The following DHDDS variants were observed in gnomAD, a reference collection of about 807,000 sequenced individuals.
The protein encoded by DHDDS is dehydrodolichyl diphosphate synthase subunit, also known as dehydrodolichyl diphosphate synthase complex subunit DHDDS.
In DHDDS, 16 loss-of-function variants were observed where a neutral mutation model predicts 46.2. That is an observed-to-expected ratio of 0.35 (90% CI 0.23 to 0.53). The LOEUF is 0.53. DHDDS is among the 20% of genes least tolerant of loss of function. DHDDS has a pLI of 0.94. For synonymous variants in DHDDS, 151 were observed against 163.1 expected, an observed-to-expected ratio of 0.93 and a Z score of 0.56; for missense variants, 340 against 423.7, an observed-to-expected ratio of 0.80 and a Z score of 1.73.
chr1:26,446,397 T>G lies in DHDDS; in HGVS notation c.405T>G (p.Ile135Met). 2 of 1,613,990 alleles carry G rather than the reference T, an allele frequency of 1.2e-6. No homozygotes were observed. Among genetic ancestry groups the G allele is most frequent in the East Asian group, 2.2e-5 (1 of 44,886 alleles). The change falls in exon 5 of 9, where the codon ATT (isoleucine) becomes ATG (methionine). Residue 135 changes from isoleucine (I) to methionine (M), a missense_variant. Ile to Met is a conservative substitution (Grantham distance 10). Coordinates refer to ENST00000236342, the MANE Select transcript of DHDDS (RefSeq NM_205861.3). ...HLLPLDLQEL[I>M]AQAVQATKNY... The stretch of plus-strand genomic sequence containing the variant: ...TGCCCTTGGATCTCCAGGAGCTGAT[T>G]GCACAAGCTGTACAGGCCACGAAGA...
intron 3 of DHDDS, among the ~76,000 whole-genome samples, chr1:26,441,104 T>C (rs2075214847): frequency 1.3e-5 from 2 of 151,980 alleles, no homozygotes; most frequent in South Asian, 2.1e-4. Flanking sequence ...TTTGCATTTT[T>C]AGTAGAGACG....
rs986398912 is a variant in DHDDS, at chr1:26,451,650, A to G, written c.542+3990A>G. On this transcript the variant is annotated intron_variant, in intron 6 of 8. Coordinates refer to ENST00000236342, the MANE Select transcript of DHDDS (RefSeq NM_205861.3). ...TTTTTTCTTTTTTTTTTTTTTTGAGACAGAGTCTCGCTCTGTCGCCCAGGC... is the reference window on the plus strand; with the variant it reads ...TTTTTTCTTTTTTTTTTTTTTTGAGGCAGAGTCTCGCTCTGTCGCCCAGGC... Among the ~76,000 whole-genome samples, 4 of 138,182 alleles carry G rather than the reference A, an allele frequency of 2.9e-5. No homozygotes were observed. In the Admixed American group the frequency reaches 3.0e-4, roughly 10 times the overall value. 90.7% of individuals were successfully genotyped at this position (138,182 alleles called of 152,430 possible).
chr1:26,452,549 A>G (rs1309268739), intron 6 of DHDDS, among the ~76,000 whole-genome samples: 2 of 152,146 alleles, frequency 1.3e-5, no homozygotes, highest in Non-Finnish European at 2.9e-5. Context: ...ACACTTACTG[A>G]GCATTTACTC....
rs778754350 is a variant in DHDDS at position 26,457,832 on chromosome 1, A to C, written c.584A>C (p.Asn195Thr). 6 of 1,613,734 alleles carry C rather than the reference A, an allele frequency of 3.7e-6. No individual in the cohort carries two copies. The highest frequency in any genetic ancestry group is 3.3e-5 in the Admixed American group (2 of 59,960). ...CTGCTTGATAAGTGCCTCTATACCA[A>C]CCGCTCTCCTCATCCTGACATCTTG... Reference protein sequence around the residue: ...ESLLDKCLYTNRSPHPDILIR... With the variant: ...ESLLDKCLYTTRSPHPDILIR... The change falls in exon 7 of 9, where the codon AAC (asparagine) becomes ACC (threonine). Residue 195 changes from asparagine (N) to threonine (T), a missense_variant. By Grantham distance (65) the Asn-to-Thr change is moderately conservative (BLOSUM62 0). Coordinates refer to ENST00000236342, the MANE Select transcript of DHDDS (RefSeq NM_205861.3).
chr1:26,469,246 T>C lies in DHDDS; in HGVS notation c.*115T>C. On this transcript the variant is annotated 3_prime_UTR_variant, in exon 9 of 9. Transcript: ENST00000236342. The stretch of plus-strand genomic sequence containing the variant: ...TGATAATGAATGGTGTTCCCTTTGC[T>C]TGGCTGGGGAGCCCCCCAGGCCAGG... 6.3e-7 allele frequency: 1 copy of C among 1,583,362 alleles called. No individual in the cohort carries two copies. Among genetic ancestry groups the C allele is most frequent in the Non-Finnish European group, 8.5e-7 (1 of 1,170,132 alleles).
chr1:26,462,214 C>T (rs2075430837), intron 8 of DHDDS, among the ~76,000 whole-genome samples: 1 of 150,986 alleles, frequency 6.6e-6, no homozygotes, highest in South Asian at 2.1e-4. Context: ...AGAGATAAGT[C>T]CTCACTATGT....
At position 26,464,824 on chromosome 1, in the gene DHDDS, C is replaced by T. The variant is rs2075465315; in HGVS notation, c.766-4071C>T. On this transcript the variant is annotated intron_variant, in intron 8 of 8. Transcript: ENST00000236342. ...TCTCTAGGCCCTGCCCAATGTGTCC[C>T]TATTCTCTGCAGGAAGCCAGGGCAA... Among the ~76,000 whole-genome samples the T allele has an allele frequency of 3.3e-5, 5 of 152,194 alleles. No individual in the cohort carries two copies. The South Asian group carries it at 8.3e-4, about 25-fold the overall frequency.
intron 2 of DHDDS, 108 bp from the exon 3 acceptor site, chr1:26,438,060 G>A (rs763054892): frequency 6.1e-5 from 69 of 1,136,954 alleles, no homozygotes; most frequent in East Asian, 9.5e-5. Flanking sequence ...AATTCCCTTC[G>A]TCAGGGTTTT....
At chr1:26,461,299 ACC>A (rs905323452) in intron 8 of DHDDS, among the ~76,000 whole-genome samples, 6 of 152,076 alleles carry the variant, frequency 3.9e-5, no homozygotes, top group African/African-American at 1.4e-4. Context: ...AAAGCCACAG[ACC>A]ATCTCCCTAG....
chr1:26,469,815 TCTC>T lies in DHDDS; in HGVS notation c.*691_*693del, dbSNP rs1057515505. The T allele has an allele frequency of 6.4e-6, 1 of 156,092 alleles. No individual in the cohort carries two copies. Among genetic ancestry groups the T allele is most frequent in the Non-Finnish European group, 1.4e-5 (1 of 70,198 alleles). The allele number at this position is 156,092 out of a possible 1,614,324, so 9.7% of individuals were successfully genotyped here. On this transcript the variant is annotated 3_prime_UTR_variant, in exon 9 of 9. Coordinates refer to ENST00000236342, the MANE Select transcript of DHDDS (RefSeq NM_205861.3). Reference sequence around the variant, plus strand: ...TGTCGACTCAGCCCACACAAGCTTTTCTCCTCCTCTTGCAGGGCATGGGGCCAG... The same window carrying T: ...TGTCGACTCAGCCCACACAAGCTTTTCTCCTCTTGCAGGGCATGGGGCCAG...
At chr1:26,439,279 G>A (rs1355413023) in intron 3 of DHDDS, among the ~76,000 whole-genome samples, 1 of 152,088 alleles carries the variant, frequency 6.6e-6, no homozygotes, top group African/African-American at 2.4e-5. Context: ...CTTTCTATCT[G>A]TATCTTTCAA....
intron 6 of DHDDS, 104 bp from the exon 7 acceptor site, chr1:26,457,687 G>A (rs1259280621): frequency 2.4e-6 from 2 of 844,808 alleles, no homozygotes; most frequent in African/African-American, 1.7e-5. Context: ...TGATGGTATT[G>A]TATAAACTGA....
At chr1:26,453,484 C>T (rs1166139682) in intron 6 of DHDDS, among the ~76,000 whole-genome samples, 1 of 152,126 alleles carries the variant, frequency 6.6e-6, no homozygotes, top group Non-Finnish European at 1.5e-5. Flanking sequence ...TGACCAGGTG[C>T]AGTGGCTCAT....
chr1:26,457,791 T>A lies in DHDDS; in HGVS notation c.543T>A (p.Ser181Arg). 1 of 1,606,604 alleles carries A rather than the reference T, an allele frequency of 6.2e-7. No individual in the cohort carries two copies. Among genetic ancestry groups the A allele is most frequent in the Non-Finnish European group, 8.5e-7 (1 of 1,173,326 alleles). Residue 181 changes from serine (S) to arginine (R), a missense_variant and splice_region_variant, in exon 7 of 9, where the codon AGT becomes AGA. Ser to Arg is a moderately radical substitution (Grantham distance 110). Coordinates refer to ENST00000236342, the MANE Select transcript of DHDDS (RefSeq NM_205861.3). ...WGVEQGLLDP[S>R]DISESLLDKC... ...CTTTGTCTCTTCTTGCTCATCTTAG[T>A]GATATCTCTGAGTCTCTGCTTGATA...
chr1:26,464,918 G>A (rs896286974), intron 8 of DHDDS, among the ~76,000 whole-genome samples: 1 of 152,184 alleles, frequency 6.6e-6, no homozygotes, highest in Non-Finnish European at 1.5e-5. Flanking sequence ...AGGGAAGCAG[G>A]GACTTGGCTA....
At chr1:26,464,671 C>G (rs953984002) in intron 8 of DHDDS, among the ~76,000 whole-genome samples, 1 of 152,216 alleles carries the variant, frequency 6.6e-6, no homozygotes, top group Admixed American at 6.5e-5. Context: ...CTCCCTTTTA[C>G]AGACCCTGTA....
chr1:26,460,409 T>G (rs2075410782), intron 8 of DHDDS, among the ~76,000 whole-genome samples: 1 of 152,170 alleles, frequency 6.6e-6, no homozygotes, highest in African/African-American at 2.4e-5. Context: ...AATGATTTAG[T>G]TAAGGACACA....
chr1:26,461,478 C>T (rs1477549245), intron 8 of DHDDS, among the ~76,000 whole-genome samples: 1 of 151,578 alleles, frequency 6.6e-6, no homozygotes, highest in Non-Finnish European at 1.5e-5. Flanking sequence ...CTCCGCCTCC[C>T]GGGTTCAAGT....
At chr1:26,432,539 A>T in intron 1 of DHDDS, 163 bp downstream of exon 1, 1 of 264,538 alleles carries the variant, frequency 3.8e-6, no homozygotes, top group Non-Finnish European at 7.5e-6. Context: ...GGGAGCACAG[A>T]GTTGGAAACA....
Sources: allele counts gnomAD v4.1 joint callset (sites outside exome capture counted in the v4.1 genomes callset), GRCh38; gene constraint gnomAD v4.1.1; transcripts MANE v1.5; gene names NCBI Gene and HGNC (gene_info 2026-07-23, HGNC 2026-07-21).